SH3RF3: variants seen among roughly 807,000 people sequenced by gnomAD.
The protein encoded by SH3RF3 is SH3 domain containing ring finger 3, also known as E3 ubiquitin-protein ligase SH3RF3.
In SH3RF3, 29 loss-of-function variants were observed where a neutral mutation model predicts 66.3. The observed-to-expected ratio is 0.44, with a 90% confidence interval of 0.33 to 0.60. The LOEUF (loss-of-function observed/expected upper bound fraction) is 0.60, where lower values mean the gene tolerates loss of function less well. SH3RF3 is among the 20% of genes least tolerant of loss of function. The pLI is 0.04. For missense variants in SH3RF3, 1,194 were observed against 1,190.9 expected, an observed-to-expected ratio of 1.00 and a Z score of -0.04; for synonymous variants, 583 against 532.0, an observed-to-expected ratio of 1.10 and a Z score of -1.32.
Position 109,504,263 on chromosome 2 carries a change from T to G in SH3RF3, c.*2592T>G, listed in dbSNP as rs1337660751. 1 of 152,198 alleles carries G rather than the reference T, an allele frequency of 6.6e-6. No homozygotes were observed. The highest frequency in any genetic ancestry group is 1.5e-5 in the Non-Finnish European group (1 of 68,050). 9.4% of individuals were successfully genotyped at this position (152,198 alleles called of 1,614,324 possible). On this transcript the variant is annotated 3_prime_UTR_variant, in exon 10 of 10. Transcript: ENST00000309415. ...ACACATCTTAGCCATGTAGTGGCCT[T>G]GGGGGGCCACAGAGATTTCCTTTGA...
intron 1 of SH3RF3, among the ~76,000 whole-genome samples, chr2:109,237,817 A>G (rs1425548311): frequency 6.6e-6 from 1 of 152,262 alleles, no homozygotes; most frequent in African/African-American, 2.4e-5. Flanking sequence ...TTTCTACACA[A>G]AGTTTCCATT....
At chr2:109,447,236 C>T (rs991000231) in intron 7 of SH3RF3, among the ~76,000 whole-genome samples, 7 of 151,008 alleles carry the variant, frequency 4.6e-5, no homozygotes, top group South Asian at 2.1e-4. Flanking sequence ...TATTTCACCT[C>T]GTAGAAACAG....
At chr2:109,170,530 G>T (rs186450089) in intron 1 of SH3RF3, among the ~76,000 whole-genome samples, 1 of 152,072 alleles carries the variant, frequency 6.6e-6, no homozygotes, top group East Asian at 1.9e-4. Context: ...ATTTTTAGTA[G>T]AGATGGGGTT....
At chr2:109,232,676 G>A (rs1430729160) in intron 1 of SH3RF3, among the ~76,000 whole-genome samples, 2 of 152,116 alleles carry the variant, frequency 1.3e-5, no homozygotes, top group Non-Finnish European at 2.9e-5. Flanking sequence ...GAGAAATGTG[G>A]GATCATCCAA....
At chr2:109,235,755 T>C (rs1679632162) in intron 1 of SH3RF3, among the ~76,000 whole-genome samples, 1 of 152,250 alleles carries the variant, frequency 6.6e-6, no homozygotes, top group Admixed American at 6.5e-5. Context: ...ACAACACTTG[T>C]TAGACTCTCT....
chr2:109,234,647 A>G (rs1318384335), intron 1 of SH3RF3, among the ~76,000 whole-genome samples: 2 of 152,246 alleles, frequency 1.3e-5, no homozygotes, highest in African/African-American at 4.8e-5. Flanking sequence ...CAGCAGGCAC[A>G]GGGCTCTGCT....
intron 1 of SH3RF3, among the ~76,000 whole-genome samples, chr2:109,149,276 G>A (rs1677176840): frequency 6.6e-6 from 1 of 152,150 alleles, no homozygotes; most frequent in African/African-American, 2.4e-5. Flanking sequence ...CCCGGGACCC[G>A]TTCTCTGGGA....
intron 1 of SH3RF3, among the ~76,000 whole-genome samples, chr2:109,335,761 G>T (rs547528739): frequency 6.6e-6 from 1 of 152,200 alleles, no homozygotes; most frequent in Non-Finnish European, 1.5e-5. Flanking sequence ...CACTCATTCC[G>T]ATTTGCTGAC....
intron 2 of SH3RF3, among the ~76,000 whole-genome samples, chr2:109,358,994 T>C (rs1683004465): frequency 6.6e-6 from 1 of 152,050 alleles, no homozygotes; most frequent in Non-Finnish European, 1.5e-5. Flanking sequence ...ATTTTTTGCA[T>C]GTGGATGTCT....
At chr2:109,396,105 G>T (rs996973329) in intron 3 of SH3RF3, among the ~76,000 whole-genome samples, 1 of 152,172 alleles carries the variant, frequency 6.6e-6, no homozygotes, top group African/African-American at 2.4e-5. Flanking sequence ...CGCTCACTGT[G>T]CCCTGCTGCT....
chr2:109,180,307 A>G (rs1261523620), intron 1 of SH3RF3, among the ~76,000 whole-genome samples: 1 of 152,146 alleles, frequency 6.6e-6, no homozygotes, highest in Non-Finnish European at 1.5e-5. Context: ...CTGATTTGGC[A>G]GATGGTATTG....
intron 1 of SH3RF3, among the ~76,000 whole-genome samples, chr2:109,263,528 T>C (rs1215884657): frequency 6.6e-6 from 1 of 152,214 alleles, no homozygotes; most frequent in African/African-American, 2.4e-5. Context: ...ATAGAAAGAT[T>C]GATTCTCTCA....
chr2:109,328,032 G>GT (rs1348549474), intron 1 of SH3RF3, among the ~76,000 whole-genome samples: 1 of 151,800 alleles, frequency 6.6e-6, no homozygotes, highest in Non-Finnish European at 1.5e-5. Context: ...CACTTTTTTT[G>GT]TTTTTTGGGG....
chr2:109,447,785 G>A (rs765533721), intron 7 of SH3RF3, among the ~76,000 whole-genome samples: 9 of 152,222 alleles, frequency 5.9e-5, no homozygotes, highest in Non-Finnish European at 1.3e-4. Flanking sequence ...TTTAAAGGGA[G>A]CTGTATCTTT....
At chr2:109,168,568 T>C (rs1312005893) in intron 1 of SH3RF3, among the ~76,000 whole-genome samples, 1 of 152,216 alleles carries the variant, frequency 6.6e-6, no homozygotes, top group Non-Finnish European at 1.5e-5. Flanking sequence ...CTACTTCTAA[T>C]CTTCGGACTG....
At chr2:109,278,110 T>A (rs7565712) in intron 1 of SH3RF3, among the ~76,000 whole-genome samples, 53,393 of 151,244 alleles carry the variant, frequency 0.35, 9,513 homozygotes, top group South Asian at 0.41. Flanking sequence ...CCAGGAGGTC[T>A]AGGCTGCAGT....
chr2:109,428,674 A>C (rs1677105209), intron 5 of SH3RF3, among the ~76,000 whole-genome samples: 1 of 152,206 alleles, frequency 6.6e-6, no homozygotes, highest in African/African-American at 2.4e-5. Flanking sequence ...CTGATCCTAA[A>C]ATCCCATGAT....
At chr2:109,163,031 G>A (rs4676255) in intron 1 of SH3RF3, among the ~76,000 whole-genome samples, 124,221 of 151,754 alleles carry the variant, frequency 0.82, 50,990 homozygotes, top group East Asian at 0.89. Context: ...CCCAAAGTCT[G>A]TATAGTGATA....
intron 1 of SH3RF3, among the ~76,000 whole-genome samples, chr2:109,218,154 T>TAA (rs57642489): frequency 4.0e-5 from 6 of 148,948 alleles, no homozygotes; most frequent in African/African-American, 1.5e-4. Context: ...TCTGTTCTAT[T>TAA]AAAAAAAAAA....
Sources: gnomAD v4.1 joint callset for allele counts (sites outside exome capture counted in the v4.1 genomes callset) on GRCh38, gnomAD v4.1.1 for gene constraint, MANE v1.5 for transcripts, NCBI Gene and HGNC (gene_info 2026-07-23, HGNC 2026-07-21) for gene names.